The following NEK1 variants were observed in gnomAD, a reference collection of about 807,000 sequenced individuals.
NEK1 encodes the protein serine/threonine-protein kinase Nek1.
A neutral mutation model predicts 182.1 loss-of-function variants in NEK1; 137 were observed. The ratio of observed to expected loss-of-function variants is 0.75; its 90% CI spans 0.65 to 0.87. The LOEUF (loss-of-function observed/expected upper bound fraction) is 0.87. NEK1 is among the 40% of genes least tolerant of loss of function. The pLI is 0.00. For synonymous variants in NEK1, 513 were observed against 492.2 expected (o/e 1.04, Z -0.56); for missense variants, 1,391 against 1,494.4 (o/e 0.93, Z 1.14).
intron 26 of NEK1, among the ~76,000 whole-genome samples, chr4:169,466,856 T>C (rs1423731590): frequency 4.4e-5 from 3 of 67,840 alleles, no homozygotes; most frequent in African/African-American, 1.1e-4. Flanking sequence ...ATGGGATTTA[T>C]AGCATAAAAA....
At chr4:169,562,743 T>C (rs1175455326) in intron 12 of NEK1, among the ~76,000 whole-genome samples, 1 of 152,166 alleles carries the variant, frequency 6.6e-6, no homozygotes, top group Non-Finnish European at 1.5e-5. Flanking sequence ...AATGTGTTAA[T>C]AAAATGACTT....
intron 23 of NEK1, among the ~76,000 whole-genome samples, chr4:169,504,940 C>T (rs10018214): frequency 1 from 152,304 of 152,308 alleles, 76,150 homozygotes; most frequent in Non-Finnish European, 1. Flanking sequence ...TTTACCCTAA[C>T]GTGATTAGTT....
At position 169,561,515 on chromosome 4, in the gene NEK1, T is replaced by C. The variant is rs753630315; in HGVS notation, c.1231A>G (p.Asn411Asp). Residue 411 changes from asparagine (N) to aspartate (D), a missense_variant, in exon 16 of 36, where the codon AAT becomes GAT. Physicochemically the swap from Asn to Asp is conservative, Grantham distance 23. This residue lies in a region of NEK1 where 1,216 missense variants were observed against 1,277.6 expected (regional missense o/e 0.95). Coordinates refer to ENST00000507142, the MANE Select transcript of NEK1 (RefSeq NM_001199397.3). ...INRAREQGWRNVLSAGGSGEV... is the reference protein window; with the variant it reads ...INRAREQGWRDVLSAGGSGEV... ...CCACTTCCACCAGCACTTAGCACAT[T>C]TCTCCATCCTTGTTCCCTGGCCCTA... The C allele has an allele frequency of 3.2e-5, 52 of 1,613,500 alleles. No homozygotes were observed. The highest frequency in any genetic ancestry group is 4.3e-5 in the Non-Finnish European group (51 of 1,179,688).
rs1040047267 is a variant in NEK1 at position 169,536,194 on chromosome 4, G to A, written c.1665+1615C>T. Among the ~76,000 whole-genome samples the A allele has an allele frequency of 3.3e-5, 5 of 151,774 alleles. No individual in the cohort carries two copies. The South Asian group carries it at 6.2e-4, about 19-fold the overall frequency. ...CACCTGTGATCTCAGCTACTTGGGA[G>A]GCTGAGGCATGAGAATCACTTGAGC... On this transcript the variant is annotated intron_variant, in intron 19 of 35. Coordinates refer to ENST00000507142, the MANE Select transcript of NEK1 (RefSeq NM_001199397.3).
At chr4:169,537,153 G>GA (rs1758644342) in intron 19 of NEK1, among the ~76,000 whole-genome samples, 1 of 152,136 alleles carries the variant, frequency 6.6e-6, no homozygotes, top group Non-Finnish European at 1.5e-5. Context: ...TTGTTCTGTA[G>GA]ACAAAATGTC....
At chr4:169,551,113 C>A (rs1375185688) in intron 18 of NEK1, among the ~76,000 whole-genome samples, 1 of 152,088 alleles carries the variant, frequency 6.6e-6, no homozygotes, top group Non-Finnish European at 1.5e-5. Context: ...TTTGTCATTA[C>A]CCTATTGTTT....
Position 169,587,594 on chromosome 4 carries a change from AC to A in NEK1, c.570del (p.Cys191ValfsTer18). 1 of 1,549,588 alleles carries A rather than the reference AC, an allele frequency of 6.5e-7. No individual in the cohort carries two copies. ...AGTGTACACAGCTCATAAAGGACAC[AC>A]CCCAGAGCCCAAATGTCACTGGAGA... ...YNNKSDIWALGCVLYELCTLK... is the reference protein window; with the variant it reads ...YNNKSDIWALXCVLYELCTLK... On this transcript the variant is annotated frameshift_variant, in exon 9 of 36. Coordinates refer to ENST00000507142, the MANE Select transcript of NEK1 (RefSeq NM_001199397.3). LOFTEE classifies it high-confidence loss of function.
chr4:169,549,607 GA>G (rs1761108652), intron 18 of NEK1, among the ~76,000 whole-genome samples: 1 of 152,140 alleles, frequency 6.6e-6, no homozygotes, highest in African/African-American at 2.4e-5. Context: ...ATTTTTAGTA[GA>G]GACAGGGTTT....
intron 27 of NEK1, among the ~76,000 whole-genome samples, chr4:169,450,602 T>C (rs1489601525): frequency 6.6e-6 from 1 of 151,964 alleles, no homozygotes; most frequent in Non-Finnish European, 1.5e-5. Flanking sequence ...GAAGCAGAAA[T>C]AAAATCCTTT....
chr4:169,592,660 T>A (rs1479523882), intron 5 of NEK1, among the ~76,000 whole-genome samples: 1 of 150,252 alleles, frequency 6.7e-6, no homozygotes, highest in African/African-American at 2.4e-5. Context: ...TACCTTTTAC[T>A]CTATCTCTTC....
Position 169,537,905 on chromosome 4 carries a change from T to A in NEK1, c.1569A>T (p.Lys523Asn), listed in dbSNP as rs1179743506. ...TAGCTCTTTCTACAGCTAGCTGCCC[T>A]TTTTGCCTAATTTGGACAAATCACA... ...VSKQANANRQ[K>N]GQLAVERAKQ... is the part of the protein sequence containing the mutation. The change falls in exon 19 of 36, where the codon AAA becomes AAT. Residue 523 changes from lysine (K) to asparagine (N), a missense_variant. By Grantham distance (94) the Lys-to-Asn change is moderately conservative. This residue lies in a region of NEK1 where 1,216 missense variants were observed against 1,277.6 expected (regional missense o/e 0.95). Coordinates refer to ENST00000507142, the MANE Select transcript of NEK1 (RefSeq NM_001199397.3). The A allele has an allele frequency of 6.3e-7, 1 of 1,595,578 alleles. No individual in the cohort carries two copies. The highest frequency in any genetic ancestry group is 1.1e-5 in the South Asian group (1 of 87,288).
intron 32 of NEK1, among the ~76,000 whole-genome samples, chr4:169,404,803 T>C (rs1732299000): frequency 6.6e-6 from 1 of 152,134 alleles, no homozygotes; most frequent in South Asian, 2.1e-4. Flanking sequence ...AATTTTACTT[T>C]AAGTTTTAGG....
chr4:169,463,427 C>T, intron 26 of NEK1, 32 bp from the exon 27 acceptor site: 1 of 1,529,876 alleles, frequency 6.5e-7, no homozygotes, highest in South Asian at 1.2e-5. Flanking sequence ...AAACAATTTT[C>T]AATAACAGTA....
intron 2 of NEK1, among the ~76,000 whole-genome samples, chr4:169,607,715 A>G (rs1021758210): frequency 3.4e-4 from 52 of 152,096 alleles, no homozygotes; most frequent in Non-Finnish European, 6.0e-4. Context: ...CGCCCGCCTC[A>G]GCCTCCCAAA....
At chr4:169,576,821 A>G in intron 12 of NEK1, 107 bp downstream of exon 12, 1 of 1,096,368 alleles carries the variant, frequency 9.1e-7, no homozygotes, top group Non-Finnish European at 1.3e-6. Context: ...ATTCCTTGGT[A>G]ACTTAATAAA....
intron 9 of NEK1, among the ~76,000 whole-genome samples, chr4:169,587,078 T>C (rs1443892635): frequency 6.6e-6 from 1 of 152,034 alleles, no homozygotes; most frequent in Non-Finnish European, 1.5e-5. Context: ...GTGTGTTATA[T>C]GTTATTTCAA....
rs1730308792 is a variant in NEK1 at position 169,394,038 on chromosome 4, C to T, written c.*472G>A. On this transcript the variant is annotated 3_prime_UTR_variant, in exon 36 of 36. Transcript: ENST00000507142. Reference sequence around the variant, plus strand: ...GTATAGATGTAAACAGAGCCCTTGACAAGGTGATTTAATGTAGAACTGCTG... The same window carrying T: ...GTATAGATGTAAACAGAGCCCTTGATAAGGTGATTTAATGTAGAACTGCTG... The T allele has an allele frequency of 6.5e-6, 1 of 153,414 alleles. No individual in the cohort carries two copies. Among genetic ancestry groups the T allele is most frequent in the South Asian group, 2.1e-4 (1 of 4,862 alleles). 9.5% of individuals were successfully genotyped at this position (153,414 alleles called of 1,614,324 possible).
At chr4:169,414,734 T>A (rs1015467788) in intron 31 of NEK1, among the ~76,000 whole-genome samples, 5 of 152,180 alleles carry the variant, frequency 3.3e-5, no homozygotes, top group Non-Finnish European at 7.4e-5. Context: ...CCTTTAGCTG[T>A]GAGGTGTAAG....
intron 29 of NEK1, among the ~76,000 whole-genome samples, chr4:169,432,975 G>A (rs1737715726): frequency 6.6e-6 from 1 of 151,914 alleles, no homozygotes; most frequent in Non-Finnish European, 1.5e-5. Flanking sequence ...ATGTTGGCCA[G>A]GTTGGTCTCG....
Sources: allele counts gnomAD v4.1 joint callset (sites outside exome capture counted in the v4.1 genomes callset), GRCh38; gene constraint gnomAD v4.1.1; regional missense constraint gnomAD v4.1.1; transcripts MANE v1.5; gene names NCBI Gene and HGNC (gene_info 2026-07-23, HGNC 2026-07-21).